The following CHST15 variants were observed in gnomAD, a reference collection of about 807,000 sequenced individuals.
CHST15 encodes the protein B cell RAG associated protein (GALNAC4S-6ST).
In CHST15, 30 loss-of-function variants were observed where a neutral mutation model predicts 53.6. That is an observed-to-expected ratio of 0.56 (90% CI 0.42 to 0.76). CHST15 has a LOEUF of 0.76. CHST15 is among the 30% of genes least tolerant of loss of function. CHST15 has a pLI of 0.00. For synonymous variants in CHST15, 296 were observed against 289.8 expected (o/e 1.02, Z -0.22); for missense variants, 627 against 740.5 (o/e 0.85, Z 1.78).
At chr10:124,054,386 G>C (rs1948305977) in intron 1 of CHST15, among the ~76,000 whole-genome samples, 1 of 152,152 alleles carries the variant, frequency 6.6e-6, no homozygotes, top group Non-Finnish European at 1.5e-5. Flanking sequence ...ATCAACATTG[G>C]TTTTGGTTAA....
intron 5 of CHST15, among the ~76,000 whole-genome samples, chr10:124,028,674 G>A (rs866011476): frequency 1.3e-5 from 2 of 152,206 alleles, no homozygotes; most frequent in South Asian, 2.1e-4. Flanking sequence ...GCACCCAAAC[G>A]CACAAGCTTC....
rs1947887796 is a variant in CHST15 at position 124,044,636 on chromosome 10, G to A, written c.830C>T (p.Pro277Leu). 2.5e-6 allele frequency: 4 copies of A among 1,597,934 alleles called. No homozygotes were observed. Among genetic ancestry groups the A allele is most frequent in the Non-Finnish European group, 3.4e-6 (4 of 1,170,818 alleles). Residue 277 changes from proline to leucine, a missense_variant, in exon 3 of 8, where the codon CCT becomes CTT. Coordinates refer to ENST00000435907, the MANE Select transcript of CHST15 (RefSeq NM_001270764.2). ...TDLYDRLRLHPEVKFSAIKEP... is the reference protein window; with the variant it reads ...TDLYDRLRLHLEVKFSAIKEP... Reference sequence around the variant, plus strand: ...CTTGATGGCGGAGAACTTGACCTCAGGGTGCAGCCGCAGGCGGTCATAGAG... The same window carrying A: ...CTTGATGGCGGAGAACTTGACCTCAAGGTGCAGCCGCAGGCGGTCATAGAG...
intron 5 of CHST15, among the ~76,000 whole-genome samples, chr10:124,037,883 C>T (rs771635314): frequency 1.8e-4 from 27 of 152,160 alleles, no homozygotes; most frequent in African/African-American, 4.3e-4. Flanking sequence ...GAAGCTTACA[C>T]CCCTGATTCT....
chr10:124,039,897 G>A (rs1195447887), intron 4 of CHST15, among the ~76,000 whole-genome samples: 4 of 152,204 alleles, frequency 2.6e-5, no homozygotes, highest in African/African-American at 9.7e-5. Context: ...GGGAGAGACT[G>A]AGCCAGATGA....
intron 3 of CHST15, among the ~76,000 whole-genome samples, chr10:124,044,049 A>G (rs527568615): frequency 2.0e-5 from 3 of 151,488 alleles, no homozygotes; most frequent in South Asian, 4.2e-4. Flanking sequence ...GAGCCAAGGA[A>G]CAGCACAGAG....
intron 1 of CHST15, among the ~76,000 whole-genome samples, chr10:124,083,646 G>A (rs577393847): frequency 2.0e-5 from 3 of 152,214 alleles, no homozygotes; most frequent in South Asian, 2.1e-4. Flanking sequence ...AAGTTAGGAC[G>A]ACACAAAATG....
chr10:124,058,421 G>A (rs1948454240), intron 1 of CHST15, among the ~76,000 whole-genome samples: 1 of 152,224 alleles, frequency 6.6e-6, no homozygotes, highest in Admixed American at 6.5e-5. Flanking sequence ...GTCATGTATG[G>A]GAAACTGAGG....
chr10:124,026,382 G>T lies in CHST15; in HGVS notation c.1191-4970C>A, dbSNP rs116273201. On this transcript the variant is annotated intron_variant, in intron 5 of 7. Coordinates refer to ENST00000435907, the MANE Select transcript of CHST15 (RefSeq NM_001270764.2). The stretch of plus-strand genomic sequence containing the variant: ...AAAGAGTGAGTTAATAATCTTGGGT[G>T]GGGGAAAGCCACTCGGATAGGTTAA... Among the ~76,000 whole-genome samples the T allele has an allele frequency of 7.9e-3, 1,199 of 152,292 alleles. 17 individuals carry two copies. Among genetic ancestry groups the T allele is most frequent in the African/African-American group, 0.024 (985 of 41,564 alleles).
intron 1 of CHST15, among the ~76,000 whole-genome samples, chr10:124,065,609 T>A (rs1439780311): frequency 6.6e-6 from 1 of 152,088 alleles, no homozygotes; most frequent in South Asian, 2.1e-4. Context: ...CCGCCAGTCC[T>A]GCTGGGAGCA....
At chr10:124,071,588 G>A (rs1057477654) in intron 1 of CHST15, among the ~76,000 whole-genome samples, 4 of 152,216 alleles carry the variant, frequency 2.6e-5, no homozygotes, top group African/African-American at 9.6e-5. Flanking sequence ...TCAACATGTA[G>A]TCAGTATAAA....
intron 6 of CHST15, among the ~76,000 whole-genome samples, chr10:124,015,052 GATCT>G (rs1440900199): frequency 1.3e-5 from 2 of 152,242 alleles, no homozygotes; most frequent in East Asian, 3.9e-4. Context: ...CCTTCCCTCT[GATCT>G]ATCTGCTCCA....
chr10:124,067,402 T>A (rs747009327), intron 1 of CHST15, among the ~76,000 whole-genome samples: 4 of 152,160 alleles, frequency 2.6e-5, no homozygotes, highest in Non-Finnish European at 4.4e-5. Context: ...GAAGCTCAGA[T>A]CCAAACTGAG....
At chr10:124,063,552 T>C (rs377618056) in intron 1 of CHST15, among the ~76,000 whole-genome samples, 9 of 152,290 alleles carry the variant, frequency 5.9e-5, no homozygotes, top group African/African-American at 2.2e-4. Flanking sequence ...CCCAAGACAC[T>C]GAACTTGGAT....
chr10:124,059,529 C>T (rs568030569), intron 1 of CHST15, among the ~76,000 whole-genome samples: 2 of 152,216 alleles, frequency 1.3e-5, no homozygotes, highest in Non-Finnish European at 2.9e-5. Context: ...CCCTTGCCCA[C>T]TTTGACCTGA....
rs2133804469 is a variant in CHST15 at position 124,007,909 on chromosome 10, C to A, written c.*2240G>T. 1 of 1,232,068 alleles carries A rather than the reference C, an allele frequency of 8.1e-7. No homozygotes were observed. The highest frequency in any genetic ancestry group is 3.2e-5 in the East Asian group (1 of 31,700). The allele number at this position is 1,232,068 out of a possible 1,614,324, so 76.3% of individuals were successfully genotyped here. On this transcript the variant is annotated 3_prime_UTR_variant, in exon 8 of 8. Transcript: ENST00000435907. ...AATGGCAGGCTCGAGAACCACCGCCCAGAACGGAACCTATTCTGTCAGCAA... is the reference window on the plus strand; with the variant it reads ...AATGGCAGGCTCGAGAACCACCGCCAAGAACGGAACCTATTCTGTCAGCAA...
intron 5 of CHST15, among the ~76,000 whole-genome samples, chr10:124,035,896 C>T (rs1462803332): frequency 1.3e-5 from 2 of 152,224 alleles, no homozygotes; most frequent in African/African-American, 2.4e-5. Context: ...GCCATGCCCA[C>T]GTCCCCACTG....
chr10:124,049,115 T>G (rs745499384), intron 1 of CHST15, among the ~76,000 whole-genome samples: 1 of 152,214 alleles, frequency 6.6e-6, no homozygotes, highest in Non-Finnish European at 1.5e-5. Context: ...CCTAGCATTC[T>G]TTCATTCATT....
chr10:124,070,387 G>A (rs889746122), intron 1 of CHST15, among the ~76,000 whole-genome samples: 1 of 152,104 alleles, frequency 6.6e-6, no homozygotes, highest in Non-Finnish European at 1.5e-5. Flanking sequence ...GTTTTGTTTT[G>A]TTTTTGTTTT....
chr10:124,065,160 G>A (rs1948716268), intron 1 of CHST15, among the ~76,000 whole-genome samples: 2 of 152,076 alleles, frequency 1.3e-5, no homozygotes, highest in East Asian at 1.9e-4. Context: ...GAGGTGGGAG[G>A]ATGGCTTGAG....
Sources: gnomAD v4.1 joint callset for allele counts (sites outside exome capture counted in the v4.1 genomes callset) on GRCh38, gnomAD v4.1.1 for gene constraint, MANE v1.5 for transcripts, NCBI Gene and HGNC (gene_info 2026-07-23, HGNC 2026-07-21) for gene names.